Variants in BRDT observed in about 807,000 individuals in gnomAD.
BRDT encodes bromodomain testis associated, also known as bromodomain testis-specific protein.
BRDT carries 77 observed loss-of-function variants against 113.9 expected under a neutral mutation model. The ratio of observed to expected loss-of-function variants is 0.68; its 90% CI spans 0.56 to 0.82. BRDT has a LOEUF of 0.82. BRDT is among the 40% of genes least tolerant of loss of function. BRDT has a pLI of 0.00. For synonymous variants in BRDT, 358 were observed against 366.5 expected (o/e 0.98, Z 0.26); for missense variants, 1,027 against 1,105.4 (o/e 0.93, Z 1.01).
chr1:91,958,502 C>T (rs1276413950), intron 1 of BRDT, among the ~76,000 whole-genome samples: 1 of 152,186 alleles, frequency 6.6e-6, no homozygotes, highest in African/African-American at 2.4e-5. Flanking sequence ...AGGTGTGAGC[C>T]ACCACGCCCA....
At chr1:91,979,793 A>G (rs1684545986) in intron 8 of BRDT, 36 bp downstream of exon 8, 7 of 1,555,784 alleles carry the variant, frequency 4.5e-6, no homozygotes, top group South Asian at 2.5e-5. Flanking sequence ...TTGATAATCT[A>G]TGAGCTGCTA....
At position 91,994,165 on chromosome 1, in the gene BRDT, A is replaced by G. The variant is rs1686056286; in HGVS notation, c.2198A>G (p.Asn733Ser). Residue 733 changes from asparagine (N) to serine (S), a missense_variant, in exon 15 of 19, where the codon AAT becomes AGT. By Grantham distance (46) the Asn-to-Ser change is conservative (BLOSUM62 1). Transcript: ENST00000399546. ...QTTPSHVMPP[N>S]HHQLAFNYQE... ...ACACCTTCACATGTAATGCCACCAA[A>G]TCACCACCAATTAGCATTTAATTAT... The G allele has an allele frequency of 6.2e-7, 1 of 1,613,402 alleles. No individual in the cohort carries two copies. Among genetic ancestry groups the G allele is most frequent in the Non-Finnish European group, 8.5e-7 (1 of 1,179,464 alleles).
intron 12 of BRDT, among the ~76,000 whole-genome samples, chr1:91,987,665 T>G (rs1370372135): frequency 1.3e-5 from 2 of 151,748 alleles, no homozygotes; most frequent in Non-Finnish European, 2.9e-5. Flanking sequence ...TTTTTTGTTT[T>G]TTGTTTTTTT....
At chr1:91,988,382 C>T (rs979698159) in intron 12 of BRDT, among the ~76,000 whole-genome samples, 5 of 151,814 alleles carry the variant, frequency 3.3e-5, no homozygotes, top group African/African-American at 9.7e-5. Flanking sequence ...TTATTGTTAT[C>T]GATTTTATTT....
intron 1 of BRDT, among the ~76,000 whole-genome samples, chr1:91,951,592 T>C (rs1162588951): frequency 9.0e-5 from 13 of 144,828 alleles, no homozygotes; most frequent in East Asian, 2.1e-4. Flanking sequence ...GCCAACATGG[T>C]GAAACCCCGT....
At chr1:91,969,172 C>A (rs7544958) in intron 4 of BRDT, among the ~76,000 whole-genome samples, 5 of 151,804 alleles carry the variant, frequency 3.3e-5, no homozygotes, top group African/African-American at 9.7e-5. Context: ...GATCTCCTGA[C>A]GTCGTGATCT....
intron 1 of BRDT, among the ~76,000 whole-genome samples, chr1:91,951,723 G>A (rs980742027): frequency 4.3e-4 from 66 of 151,760 alleles, no homozygotes; most frequent in African/African-American, 1.5e-3. Flanking sequence ...GCAGTGAGCT[G>A]AGATCACACC....
chr1:91,978,913 G>A (rs1320814651), intron 7 of BRDT, among the ~76,000 whole-genome samples: 1 of 148,832 alleles, frequency 6.7e-6, no homozygotes, highest in Non-Finnish European at 1.5e-5. Context: ...CAGGAGAATG[G>A]CGTGAACCCG....
At chr1:91,960,772 A>G (rs1279214362) in intron 1 of BRDT, among the ~76,000 whole-genome samples, 2 of 152,246 alleles carry the variant, frequency 1.3e-5, no homozygotes, top group Non-Finnish European at 2.9e-5. Flanking sequence ...GACAAAGATA[A>G]TATTGGCTAA....
chr1:91,986,767 G>A (rs1685280155), intron 12 of BRDT, among the ~76,000 whole-genome samples: 1 of 151,828 alleles, frequency 6.6e-6, no homozygotes, highest in Non-Finnish European at 1.5e-5. Context: ...TTTCATGCAA[G>A]GTTTGGAAAC....
At chr1:91,971,521 C>T (rs889110401) in intron 4 of BRDT, among the ~76,000 whole-genome samples, 1 of 152,132 alleles carries the variant, frequency 6.6e-6, no homozygotes, top group Non-Finnish European at 1.5e-5. Context: ...AATGTGGTTA[C>T]GTACATGTTG....
chr1:92,007,994 T>C (rs1687480823), intron 18 of BRDT, among the ~76,000 whole-genome samples: 1 of 152,158 alleles, frequency 6.6e-6, no homozygotes, highest in Admixed American at 6.5e-5. Flanking sequence ...CTCAGCTCAC[T>C]GCAACCTCCA....
chr1:91,974,702 A>G (rs991927813), intron 4 of BRDT, among the ~76,000 whole-genome samples: 2 of 152,204 alleles, frequency 1.3e-5, no homozygotes, highest in Admixed American at 6.5e-5. Context: ...AACTAGTTCA[A>G]CCATTGTGGA....
chr1:91,977,249 C>G lies in BRDT; in HGVS notation c.825C>G (p.His275Gln). 6.2e-7 allele frequency: 1 copy of G among 1,614,056 alleles called. No individual in the cohort carries two copies. The highest frequency in any genetic ancestry group is 1.1e-5 in the South Asian group (1 of 91,072). ...TTAAAGTAACTGAACAATTAAGGCA[C>G]TGTAGTGAGATTCTTAAAGAAATGC... The part of the protein sequence containing the change: ...KTVKVTEQLR[H>Q]CSEILKEMLA... The change falls in exon 6 of 19, where the codon CAC becomes CAG. Residue 275 changes from histidine (H) to glutamine (Q), a missense_variant. Physicochemically the swap from His to Gln is conservative, Grantham distance 24. Transcript: ENST00000399546.
chr1:92,005,581 C>T (rs1557866490), intron 18 of BRDT, among the ~76,000 whole-genome samples: 1 of 152,068 alleles, frequency 6.6e-6, no homozygotes, highest in Non-Finnish European at 1.5e-5. Context: ...GAGTTAGAGG[C>T]TGCAGGGAGC....
intron 1 of BRDT, among the ~76,000 whole-genome samples, chr1:91,953,847 T>G (rs1232927104): frequency 6.6e-6 from 1 of 152,262 alleles, no homozygotes; most frequent in Non-Finnish European, 1.5e-5. Context: ...TATGATACAT[T>G]GTTTTTGAAC....
At chr1:91,999,728 C>T (rs1462360689) in intron 15 of BRDT, among the ~76,000 whole-genome samples, 2 of 152,172 alleles carry the variant, frequency 1.3e-5, no homozygotes, top group Non-Finnish European at 2.9e-5. Context: ...TGATCTTTGG[C>T]ATCCATGACT....
chr1:91,980,317 A>G (rs1226692652), intron 8 of BRDT, among the ~76,000 whole-genome samples: 1 of 75,278 alleles, frequency 1.3e-5, no homozygotes, highest in Non-Finnish European at 3.7e-5. Flanking sequence ...CCAGGATCAC[A>G]CCACCGCACT....
intron 1 of BRDT, chr1:91,950,228 C>T (rs915797126): frequency 2.0e-5 from 3 of 152,216 alleles, no homozygotes; most frequent in African/African-American, 7.2e-5. Flanking sequence ...GCAAGTGGAT[C>T]ACCTGAGGTC....
Sources: allele counts gnomAD v4.1 joint callset (sites outside exome capture counted in the v4.1 genomes callset), GRCh38; gene constraint gnomAD v4.1.1; transcripts MANE v1.5; gene names NCBI Gene and HGNC (gene_info 2026-07-23, HGNC 2026-07-21).